Variants in MARCHF3 observed in about 807,000 individuals in gnomAD.
MARCHF3 encodes membrane associated ring-CH-type finger 3.
A neutral mutation model predicts 24.2 loss-of-function variants in MARCHF3; 13 were observed. The observed-to-expected ratio is 0.54, with a 90% confidence interval of 0.35 to 0.85. The LOEUF is 0.85. Ranked by LOEUF, MARCHF3 falls within the 40% of genes least tolerant of loss-of-function variation. MARCHF3 has a pLI of 0.01. For synonymous variants in MARCHF3, 144 were observed against 137.3 expected, an observed-to-expected ratio of 1.05 and a Z score of -0.34; for missense variants, 276 against 325.0, an observed-to-expected ratio of 0.85 and a Z score of 1.16.
chr5:126,958,430 C>G (rs1750522479), intron 1 of MARCHF3, among the ~76,000 whole-genome samples: 1 of 152,022 alleles, frequency 6.6e-6, no homozygotes, highest in Non-Finnish European at 1.5e-5. Context: ...TGAATTAAAG[C>G]TTTTTCTTTA....
At chr5:127,020,434 G>A (rs756097155) in intron 1 of MARCHF3, among the ~76,000 whole-genome samples, 4 of 152,192 alleles carry the variant, frequency 2.6e-5, no homozygotes, top group Admixed American at 1.3e-4. Context: ...ATCTGTTATG[G>A]TCTAAATATT....
chr5:126,881,568 C>T (rs1310097717), intron 3 of MARCHF3, among the ~76,000 whole-genome samples: 1 of 152,112 alleles, frequency 6.6e-6, no homozygotes, highest in African/African-American at 2.4e-5. Flanking sequence ...GAATACCATA[C>T]ATTAATAGCA....
At chr5:127,010,273 G>C (rs1752434681) in intron 1 of MARCHF3, among the ~76,000 whole-genome samples, 1 of 152,164 alleles carries the variant, frequency 6.6e-6, no homozygotes, top group Non-Finnish European at 1.5e-5. Flanking sequence ...ATATTTATTA[G>C]TTATTCAAAC....
chr5:126,893,006 G>A (rs1426176272), intron 3 of MARCHF3, among the ~76,000 whole-genome samples: 2 of 151,770 alleles, frequency 1.3e-5, no homozygotes, highest in East Asian at 3.9e-4. Flanking sequence ...CTTCTTCCTG[G>A]TTGAGTCTTG....
chr5:126,964,824 GCCAGTTTTGGGAAC>G (rs1561449828), intron 1 of MARCHF3, among the ~76,000 whole-genome samples: 1 of 152,124 alleles, frequency 6.6e-6, no homozygotes, highest in Non-Finnish European at 1.5e-5. Context: ...AACATGGTGA[GCCAGTTTTGGGAAC>G]AGGCATCTGG....
chr5:126,936,859 T>C (rs1749664140), intron 1 of MARCHF3, among the ~76,000 whole-genome samples: 2 of 152,146 alleles, frequency 1.3e-5, no homozygotes, highest in African/African-American at 4.8e-5. Flanking sequence ...AGAAAGGACA[T>C]TACAGATCTC....
chr5:126,894,611 T>C (rs940826963), intron 3 of MARCHF3, among the ~76,000 whole-genome samples: 3 of 152,022 alleles, frequency 2.0e-5, no homozygotes, highest in African/African-American at 7.3e-5. Flanking sequence ...TGTTGAATAT[T>C]GGCCCCCACT....
chr5:126,917,980 C>T lies in MARCHF3; in HGVS notation c.188+4G>A, dbSNP rs762484480. On this transcript the variant is annotated splice_donor_region_variant and intron_variant, in intron 2 of 4. Coordinates refer to ENST00000308660, the MANE Select transcript of MARCHF3 (RefSeq NM_178450.5). ...AGATTCATTTATTTTAATTGTGGTA[C>T]TACCTCTGGGTGGCAAGAGTCCGCA... is the stretch of plus-strand genomic sequence containing the variant. 2 of 1,611,886 alleles carry T rather than the reference C, an allele frequency of 1.2e-6. No individual in the cohort carries two copies. Among genetic ancestry groups the T allele is most frequent in the South Asian group, 1.1e-5 (1 of 90,682 alleles).
At position 126,943,028 on chromosome 5, in the gene MARCHF3, G is replaced by A. The variant is rs376929300; in HGVS notation, c.-56-24801C>T. Among the ~76,000 whole-genome samples the A allele has an allele frequency of 1.6e-3, 244 of 152,332 alleles. 6 individuals are homozygous for A. The South Asian group carries it at 0.049, about 31-fold the overall frequency. ...AGGCCAGGTGCAGTGGCTCATGCCTGTAATCCTGGCACTCTGGGAGGCCAA... is the reference window on the plus strand; with the variant it reads ...AGGCCAGGTGCAGTGGCTCATGCCTATAATCCTGGCACTCTGGGAGGCCAA... On this transcript the variant is annotated intron_variant, in intron 1 of 4. Coordinates refer to ENST00000308660, the MANE Select transcript of MARCHF3 (RefSeq NM_178450.5).
intron 1 of MARCHF3, among the ~76,000 whole-genome samples, chr5:126,978,375 G>A (rs910226781): frequency 7.2e-5 from 11 of 152,126 alleles, no homozygotes; most frequent in African/African-American, 2.7e-4. Context: ...GGAATGGAAT[G>A]TTGAAGAATA....
intron 4 of MARCHF3, among the ~76,000 whole-genome samples, chr5:126,873,135 T>C (rs149367271): frequency 2.0e-5 from 3 of 152,330 alleles, no homozygotes; most frequent in Non-Finnish European, 4.4e-5. Flanking sequence ...GAAGTAGTTA[T>C]GAGTGCAGGC....
At chr5:127,018,580 T>C (rs1042889580) in intron 1 of MARCHF3, among the ~76,000 whole-genome samples, 5 of 151,960 alleles carry the variant, frequency 3.3e-5, no homozygotes, top group Non-Finnish European at 5.9e-5. Context: ...ACTGAAGATG[T>C]GTGATCCAAG....
intron 3 of MARCHF3, among the ~76,000 whole-genome samples, chr5:126,883,389 C>T (rs1753402973): frequency 1.3e-5 from 2 of 152,190 alleles, no homozygotes; most frequent in Admixed American, 1.3e-4. Context: ...TTGAAAGCCC[C>T]AGCAGTGAGC....
At chr5:126,933,496 A>G (rs1171541853) in intron 1 of MARCHF3, among the ~76,000 whole-genome samples, 2 of 150,890 alleles carry the variant, frequency 1.3e-5, no homozygotes, top group African/African-American at 4.9e-5. Flanking sequence ...CCAGGCTGGA[A>G]TGCAGTGGTG....
intron 1 of MARCHF3, among the ~76,000 whole-genome samples, chr5:126,957,664 T>A (rs1024617218): frequency 6.6e-6 from 1 of 152,166 alleles, no homozygotes; most frequent in Non-Finnish European, 1.5e-5. Flanking sequence ...TCTGCTTCAT[T>A]AATCTATTTT....
intron 3 of MARCHF3, among the ~76,000 whole-genome samples, chr5:126,886,123 C>T (rs72780292): frequency 0.019 from 2,939 of 152,006 alleles, 47 homozygotes; most frequent in Non-Finnish European, 0.032. Flanking sequence ...TGAGTGCCTA[C>T]GATCTACCAG....
intron 1 of MARCHF3, among the ~76,000 whole-genome samples, chr5:126,949,040 T>C (rs1251300644): frequency 1.6e-4 from 25 of 152,186 alleles, no homozygotes; most frequent in Admixed American, 1.6e-3. Context: ...GCTTATGATA[T>C]ATGCATAAAC....
intron 3 of MARCHF3, among the ~76,000 whole-genome samples, chr5:126,890,475 C>A (rs1291264915): frequency 7.4e-6 from 1 of 135,464 alleles, no homozygotes; most frequent in Non-Finnish European, 1.5e-5. Context: ...CTGTGATATT[C>A]CCCTTCCTGT....
chr5:126,878,758 C>CGG (rs1753254795), intron 3 of MARCHF3, among the ~76,000 whole-genome samples: 1 of 152,176 alleles, frequency 6.6e-6, no homozygotes, highest in South Asian at 2.1e-4. Flanking sequence ...CAAAGCCTTC[C>CGG]AGTGTCTTCA....
Sources: allele counts gnomAD v4.1 joint callset (sites outside exome capture counted in the v4.1 genomes callset), GRCh38; gene constraint gnomAD v4.1.1; transcripts MANE v1.5; gene names NCBI Gene and HGNC (gene_info 2026-07-23, HGNC 2026-07-21).